VEPH1: variants seen among roughly 807,000 people sequenced by gnomAD.
The protein encoded by VEPH1 is ventricular zone expressed PH domain containing 1.
A neutral mutation model predicts 85.2 loss-of-function variants in VEPH1; 80 were observed. The ratio of observed to expected loss-of-function variants is 0.94; its 90% CI spans 0.78 to 1.13. The LOEUF (loss-of-function observed/expected upper bound fraction) is 1.13, where lower values mean the gene tolerates loss of function less well. VEPH1 is among the 50% of genes most tolerant of loss of function. The probability of loss-of-function intolerance (pLI) is 0.00; values close to 1 mark genes in which losing one functional copy is unlikely to be tolerated. For missense variants in VEPH1, 955 were observed against 980.5 expected (o/e 0.97, Z 0.35); for synonymous variants, 297 against 348.0 (o/e 0.85, Z 1.63).
At chr3:157,340,020 C>T (rs1355398964) in intron 9 of VEPH1, among the ~76,000 whole-genome samples, 2 of 152,248 alleles carry the variant, frequency 1.3e-5, no homozygotes, top group East Asian at 1.9e-4. Context: ...CTTTTTCCTT[C>T]GAAAGTCAGT....
At chr3:157,445,446 C>T (rs903387101) in intron 4 of VEPH1, among the ~76,000 whole-genome samples, 3 of 152,008 alleles carry the variant, frequency 2.0e-5, no homozygotes, top group African/African-American at 7.2e-5. Context: ...CATGGTGAAA[C>T]CCGTTTCTAC....
At chr3:157,369,149 CAAAT>C (rs1727097864) in intron 7 of VEPH1, among the ~76,000 whole-genome samples, 1 of 71,824 alleles carries the variant, frequency 1.4e-5, no homozygotes, top group African/African-American at 5.7e-5. Flanking sequence ...ACAAAACAAA[CAAAT>C]AACAACAACA....
intron 9 of VEPH1, among the ~76,000 whole-genome samples, chr3:157,341,332 G>T (rs1242963287): frequency 2.0e-5 from 3 of 152,202 alleles, no homozygotes; most frequent in Non-Finnish European, 4.4e-5. Context: ...GTCCTTAAAT[G>T]ACTTGATGGA....
At chr3:157,332,696 A>G (rs777007801) in intron 9 of VEPH1, among the ~76,000 whole-genome samples, 2 of 152,198 alleles carry the variant, frequency 1.3e-5, no homozygotes, top group Non-Finnish European at 2.9e-5. Context: ...TAGTGCAGCT[A>G]TGAACATTCA....
chr3:157,297,188 C>T (rs1156661802), intron 11 of VEPH1, among the ~76,000 whole-genome samples: 2 of 152,102 alleles, frequency 1.3e-5, no homozygotes, highest in African/African-American at 4.8e-5. Context: ...TTTTTTGTCT[C>T]TCAGCTAGAT....
chr3:157,443,543 CTA>C (rs1294382395), intron 4 of VEPH1: 24 of 152,722 alleles, frequency 1.6e-4, no homozygotes, highest in African/African-American at 5.3e-4. Context: ...TAATTTAAGA[CTA>C]TTTTTGTAAA....
intron 4 of VEPH1, among the ~76,000 whole-genome samples, chr3:157,448,747 C>T (rs1465111660): frequency 6.6e-6 from 1 of 152,186 alleles, no homozygotes; most frequent in African/African-American, 2.4e-5. Context: ...CAAAACATCA[C>T]ATTTTACCCC....
intron 11 of VEPH1, among the ~76,000 whole-genome samples, chr3:157,307,898 T>G (rs1719688812): frequency 6.6e-6 from 1 of 151,752 alleles, no homozygotes; most frequent in Non-Finnish European, 1.5e-5. Flanking sequence ...AAATTTTTTA[T>G]CATTAAAGAG....
intron 12 of VEPH1, chr3:157,285,345 C>T (rs1295113705): frequency 6.6e-6 from 1 of 152,194 alleles, no homozygotes; most frequent in East Asian, 1.9e-4. Context: ...GCACCTTTTC[C>T]GTGGGGTAAT....
rs1040373573 is a variant in VEPH1, at chr3:157,379,286, G to C, written c.1127+1870C>G. ...TCTGAGCACATATTATTAAGCCCTT[G>C]TATCTTTGTATGTGCTATTTTTTTT... On this transcript the variant is annotated intron_variant, in intron 7 of 13. Transcript: ENST00000362010. Among the ~76,000 whole-genome samples, 8 of 152,196 alleles carry C rather than the reference G, an allele frequency of 5.3e-5. No individual in the cohort carries two copies. In the East Asian group the frequency reaches 1.5e-3, roughly 29 times the overall value.
chr3:157,264,153 TC>T (rs1713288011), intron 13 of VEPH1, among the ~76,000 whole-genome samples: 1 of 152,210 alleles, frequency 6.6e-6, no homozygotes, highest in South Asian at 2.1e-4. Context: ...ATTTGCTTTT[TC>T]TTCTTGCACT....
chr3:157,438,001 A>T, intron 4 of VEPH1: 2 of 1,438,142 alleles, frequency 1.4e-6, no homozygotes, highest in Non-Finnish European at 1.8e-6. Flanking sequence ...GCAACCTTCT[A>T]GGGGAAGCTT....
chr3:157,291,723 A>G (rs145676007), intron 11 of VEPH1, among the ~76,000 whole-genome samples: 3 of 152,332 alleles, frequency 2.0e-5, no homozygotes, highest in African/African-American at 7.2e-5. Context: ...ATGAAGACTG[A>G]CTTCCATATT....
At chr3:157,469,725 G>A (rs943134369) in intron 3 of VEPH1, among the ~76,000 whole-genome samples, 4 of 152,190 alleles carry the variant, frequency 2.6e-5, no homozygotes, top group Non-Finnish European at 5.9e-5. Context: ...AGAGGACCCT[G>A]TGGCTTAAGA....
At chr3:157,349,967 C>A (rs189706645) in intron 9 of VEPH1, among the ~76,000 whole-genome samples, 2 of 152,044 alleles carry the variant, frequency 1.3e-5, no homozygotes, top group Admixed American at 6.6e-5. Flanking sequence ...ACAGATTCAA[C>A]GGAGTCACCA....
chr3:157,413,888 A>C lies in VEPH1; in HGVS notation c.899T>G (p.Val300Gly). 6.2e-7 allele frequency: 1 copy of C among 1,613,212 alleles called. No homozygotes were observed. Among genetic ancestry groups the C allele is most frequent in the East Asian group, 2.2e-5 (1 of 44,854 alleles). Residue 300 changes from valine (V) to glycine (G), a missense_variant, in exon 6 of 14, where the codon GTG becomes GGG. Transcript: ENST00000362010. Reference protein sequence around the residue: ...MARIYGAVGHVDEERARSCLT... With the variant: ...MARIYGAVGHGDEERARSCLT... ...GAAAAAAGCCAAACTTACTTCATCC[A>C]CATGCCCAACAGCTCCATAAATCCT...
chr3:157,318,474 G>A (rs577151558), intron 9 of VEPH1, among the ~76,000 whole-genome samples: 2 of 152,186 alleles, frequency 1.3e-5, no homozygotes, highest in East Asian at 3.9e-4. Context: ...TGGGCATGGT[G>A]GCATCTGCCT....
intron 3 of VEPH1, among the ~76,000 whole-genome samples, chr3:157,461,387 C>T (rs1735858659): frequency 6.6e-6 from 1 of 152,122 alleles, no homozygotes; most frequent in Non-Finnish European, 1.5e-5. Context: ...CAGTGCACAG[C>T]GTGTTTGGGA....
At chr3:157,432,604 T>C (rs1185716160) in intron 4 of VEPH1, among the ~76,000 whole-genome samples, 1 of 152,198 alleles carries the variant, frequency 6.6e-6, no homozygotes, top group African/African-American at 2.4e-5. Context: ...GTTTTCCATA[T>C]GTGTTTGGGT....
Sources: allele counts gnomAD v4.1 joint callset (sites outside exome capture counted in the v4.1 genomes callset), GRCh38; gene constraint gnomAD v4.1.1; transcripts MANE v1.5; gene names NCBI Gene and HGNC (gene_info 2026-07-23, HGNC 2026-07-21).